Variants in PUM1 observed in about 807,000 individuals in gnomAD.
PUM1 encodes pumilio homolog 1.
PUM1 carries 13 observed loss-of-function variants against 131.8 expected under a neutral mutation model. The ratio of observed to expected loss-of-function variants is 0.10; its 90% CI spans 0.06 to 0.16. The LOEUF (loss-of-function observed/expected upper bound fraction) is 0.16, where lower values mean the gene tolerates loss of function less well. Among genes scored for constraint, PUM1 ranks in the 10% least tolerant of loss-of-function variants. PUM1 has a pLI of 1.00. For synonymous variants in PUM1, 509 were observed against 556.5 expected (o/e 0.91, Z 1.20); for missense variants, 961 against 1,512.4 (o/e 0.64, Z 6.05).
rs185459307 is a variant in PUM1 at position 30,960,481 on chromosome 1, A to G, written c.2323+4193T>C. Among the ~76,000 whole-genome samples the G allele has an allele frequency of 2.2e-4, 33 of 152,342 alleles. No homozygotes were observed. In the Middle Eastern group the frequency reaches 0.01, roughly 47 times the overall value. On this transcript the variant is annotated intron_variant, in intron 14 of 21. Transcript: ENST00000426105. ...TTTATTCTTAAGATGATATGATCTT[A>G]TATGTAGAAAATCCTACAGAATCCA...
At chr1:31,027,758 G>C (rs184819750) in intron 3 of PUM1, among the ~76,000 whole-genome samples, 4 of 152,298 alleles carry the variant, frequency 2.6e-5, no homozygotes, top group Admixed American at 2.6e-4. Context: ...AAACTCAGAA[G>C]AGTAATTATC....
chr1:31,051,189 G>A (rs868301027), intron 2 of PUM1, among the ~76,000 whole-genome samples: 4 of 151,464 alleles, frequency 2.6e-5, no homozygotes, highest in Admixed American at 1.3e-4. Flanking sequence ...GCACTGAAGA[G>A]TAAGACTGGT....
At position 30,974,947 on chromosome 1, in the gene PUM1, T is replaced by C. The variant is rs902749232; in HGVS notation, c.1355-145A>G. 4 of 588,762 alleles carry C rather than the reference T, an allele frequency of 6.8e-6. No homozygotes were observed. The African/African-American group carries it at 7.5e-5, about 11-fold the overall frequency. 36.5% of individuals were successfully genotyped at this position (588,762 alleles called of 1,614,324 possible). On this transcript the variant is annotated intron_variant, in intron 9 of 21. Transcript: ENST00000426105. ...TAATTTATGCTAGCTAATCATTAACTCTTTTTAAAGAATAGTAAACATTAT... is the reference window on the plus strand; with the variant it reads ...TAATTTATGCTAGCTAATCATTAACCCTTTTTAAAGAATAGTAAACATTAT...
Position 30,966,115 on chromosome 1 carries a change from C to T in PUM1, c.1953G>A (p.Leu651=). The change falls in exon 13 of 22, where the codon CTG becomes CTA. Residue 651 remains leucine (L), a synonymous_variant. Coordinates refer to ENST00000426105, the MANE Select transcript of PUM1 (RefSeq NM_001020658.2). Reference sequence around the variant, plus strand: ...GGGAGCTGCTCTGTGAATTGCTGTTCAGAGAGTTGTTGCCGTAGAAAGAAC... The same window carrying T: ...GGGAGCTGCTCTGTGAATTGCTGTTTAGAGAGTTGTTGCCGTAGAAAGAAC... ...ASSSFYGNNS[L]NSNSQSSSLF... 4 of 1,614,112 alleles carry T rather than the reference C, an allele frequency of 2.5e-6. No homozygotes were observed. The highest frequency in any genetic ancestry group is 3.4e-6 in the Non-Finnish European group (4 of 1,180,020).
At chr1:31,000,989 A>G (rs1296020299) in intron 5 of PUM1, among the ~76,000 whole-genome samples, 1 of 152,124 alleles carries the variant, frequency 6.6e-6, no homozygotes, top group Non-Finnish European at 1.5e-5. Context: ...GAGCGAGACC[A>G]TCCTGGCTAA....
intron 14 of PUM1, among the ~76,000 whole-genome samples, chr1:30,960,434 T>G (rs980708237): frequency 5.3e-5 from 8 of 152,106 alleles, no homozygotes; most frequent in Admixed American, 1.3e-4. Flanking sequence ...AAAAGAAAAG[T>G]CATCCAGATT....
Position 30,941,272 on chromosome 1 carries a change from C to T in PUM1, c.3121G>A (p.Asp1041Asn). The change falls in exon 20 of 22, where the codon GAT (aspartate) becomes AAT (asparagine). Residue 1041 changes from aspartate (D) to asparagine (N), a missense_variant and splice_region_variant. Physicochemically the swap from Asp to Asn is conservative, Grantham distance 23 (BLOSUM62 1). Transcript: ENST00000426105. ...TGGATTACATAATTTCCATATTGAT[C>T]CTGTTTGAGAAACAGTAAGAGAAAT... Reference protein sequence around the residue: ...LHQHTEQLVQDQYGNYVIQHV... With the variant: ...LHQHTEQLVQNQYGNYVIQHV... 1 of 1,610,310 alleles carries T rather than the reference C, an allele frequency of 6.2e-7. No individual in the cohort carries two copies. Among genetic ancestry groups the T allele is most frequent in the Non-Finnish European group, 8.5e-7 (1 of 1,177,858 alleles).
intron 7 of PUM1, among the ~76,000 whole-genome samples, chr1:30,987,889 C>T (rs1050714814): frequency 3.9e-5 from 6 of 152,166 alleles, no homozygotes; most frequent in Middle Eastern, 3.2e-3. Context: ...AAACAGAAAT[C>T]ACATATACTT....
chr1:31,061,250 G>C (rs563779927), intron 1 of PUM1, among the ~76,000 whole-genome samples: 2 of 152,282 alleles, frequency 1.3e-5, no homozygotes, highest in Non-Finnish European at 2.9e-5. Context: ...GCTTGAGCCA[G>C]GAGCTGAAGA....
In PUM1 at chr1:30,968,471, G is replaced by A; in HGVS notation, c.1528C>T (p.Gln510Ter). 1 of 1,590,384 alleles carries A rather than the reference G, an allele frequency of 6.3e-7. No homozygotes were observed. Residue 510 changes from glutamine (Q) to a stop codon, truncating the protein, a stop_gained, in exon 11 of 22, where the codon CAA becomes TAA. Transcript: ENST00000426105. LOFTEE classifies it high-confidence loss of function. ...QQQVLRGGAS[Q>*]RPLTPNQNQQ... ...TTCTGGTTTGGGGTCAAAGGACGTT[G>A]GCTGGCTCCTCCACGGAGAACCTGG...
chr1:30,991,231 G>A (rs1641777878), intron 7 of PUM1, among the ~76,000 whole-genome samples: 1 of 152,130 alleles, frequency 6.6e-6, no homozygotes, highest in African/African-American at 2.4e-5. Context: ...CAATTCATAT[G>A]GGGAGGCAGG....
intron 17 of PUM1, among the ~76,000 whole-genome samples, chr1:30,946,192 T>C (rs544205781): frequency 6.6e-6 from 1 of 152,300 alleles, no homozygotes; most frequent in East Asian, 1.9e-4. Flanking sequence ...ATTCCAATTA[T>C]AAGTTGAAAA....
In PUM1 at chr1:31,050,377, C is replaced by A. The variant is rs183186226; in HGVS notation, c.363+8827G>T. On this transcript the variant is annotated intron_variant, in intron 2 of 21. Transcript: ENST00000426105. ...GTACACCCCTGTAATCCCAGCTACT[C>A]AGGAGGCTGAGGCACCAGATTGCTT... Among the ~76,000 whole-genome samples, 5 of 152,090 alleles carry A rather than the reference C, an allele frequency of 3.3e-5. No homozygotes were observed. In the East Asian group the frequency reaches 7.8e-4, roughly 24 times the overall value.
Position 30,974,662 on chromosome 1 carries a change from C to G in PUM1, c.1495G>C (p.Gly499Arg), listed in dbSNP as rs749358307. The change falls in exon 10 of 22, where the codon GGA becomes CGA. Residue 499 changes from glycine to arginine, a missense_variant. By Grantham distance (125) the Gly-to-Arg change is moderately radical. Around this residue, in one of 4 missense-constraint regions of PUM1, gnomAD observed 654 missense variants for 923.9 expected, o/e 0.71. Coordinates refer to ENST00000426105, the MANE Select transcript of PUM1 (RefSeq NM_001020658.2). ...NQQTTPQAQQ[G>R]QQQVLRGGAS... is the part of the protein sequence containing the mutation. ...TTGTCTACATTTACCTGCTGCTGTC[C>G]TTGCTGAGCCTGTGGGGTGGTCTGT... 1 of 1,606,770 alleles carries G rather than the reference C, an allele frequency of 6.2e-7. No homozygotes were observed. The highest frequency in any genetic ancestry group is 8.5e-7 in the Non-Finnish European group (1 of 1,177,322).
At chr1:31,000,144 C>G (rs1288057301) in intron 5 of PUM1, among the ~76,000 whole-genome samples, 2 of 152,162 alleles carry the variant, frequency 1.3e-5, no homozygotes, top group Non-Finnish European at 2.9e-5. Context: ...AATTGAGAAC[C>G]AAGGTAATTA....
chr1:30,964,482 A>G (rs939575009), intron 14 of PUM1, among the ~76,000 whole-genome samples, 192 bp downstream of exon 14: 1 of 152,230 alleles, frequency 6.6e-6, no homozygotes, highest in African/African-American at 2.4e-5. Context: ...TACCCAAACT[A>G]TAATAAAGCC....
chr1:30,983,757 CA>C (rs1415329621), intron 7 of PUM1, among the ~76,000 whole-genome samples: 66 of 121,116 alleles, frequency 5.4e-4, no homozygotes, highest in African/African-American at 1.6e-3. Context: ...CCACGCCTGG[CA>C]TTTTTTTTTT....
At chr1:30,957,419 T>A (rs1316665654) in intron 14 of PUM1, among the ~76,000 whole-genome samples, 1 of 151,976 alleles carries the variant, frequency 6.6e-6, no homozygotes, top group Admixed American at 6.6e-5. Flanking sequence ...ATAGTCTGAA[T>A]ACCAACATGT....
intron 2 of PUM1, among the ~76,000 whole-genome samples, chr1:31,046,239 A>C (rs1643958773): frequency 6.6e-6 from 1 of 151,568 alleles, no homozygotes. Flanking sequence ...ATACAAAATT[A>C]GCTGGGTGTG....
Sources: allele counts gnomAD v4.1 joint callset (sites outside exome capture counted in the v4.1 genomes callset), GRCh38; gene constraint gnomAD v4.1.1; regional missense constraint gnomAD v4.1.1; transcripts MANE v1.5; gene names NCBI Gene and HGNC (gene_info 2026-07-23, HGNC 2026-07-21).